Variants in TMPRSS11A observed in about 807,000 individuals in gnomAD.
TMPRSS11A encodes the protein transmembrane serine protease 11A.
A neutral mutation model predicts 58.9 loss-of-function variants in TMPRSS11A; 53 were observed. The observed-to-expected ratio is 0.90, with a 90% CI of 0.72 to 1.13. The LOEUF (loss-of-function observed/expected upper bound fraction) is 1.13, where lower values mean the gene tolerates loss of function less well. Among genes scored for constraint, TMPRSS11A ranks in the 50% most tolerant of loss-of-function variants. The pLI, the probability that TMPRSS11A is intolerant of heterozygous loss-of-function variation, is 0.00. For missense variants in TMPRSS11A, 493 were observed against 499.3 expected, an observed-to-expected ratio of 0.99 and a Z score of 0.12; for synonymous variants, 167 against 169.8, an observed-to-expected ratio of 0.98 and a Z score of 0.13.
At chr4:67,916,642 C>T (rs1234071679) in intron 8 of TMPRSS11A, among the ~76,000 whole-genome samples, 3 of 151,902 alleles carry the variant, frequency 2.0e-5, no homozygotes, top group Non-Finnish European at 1.5e-5. Flanking sequence ...CTGGCTAACA[C>T]GGTGAAACCC....
At chr4:67,961,568 G>A (rs1336289102) in intron 1 of TMPRSS11A, among the ~76,000 whole-genome samples, 1 of 322 alleles carries the variant, frequency 3.1e-3, no homozygotes, top group Non-Finnish European at 0.033. Context: ...CTGAAGTGTA[G>A]TGGCATGATT....
At chr4:67,935,700 A>C (rs754170240) in intron 3 of TMPRSS11A, among the ~76,000 whole-genome samples, 19 of 152,334 alleles carry the variant, frequency 1.2e-4, no homozygotes, top group Non-Finnish European at 2.6e-4. Flanking sequence ...TAAAAAGGTG[A>C]GAATTTATTT....
chr4:67,912,281 A>AACACACAC (rs58492227), intron 9 of TMPRSS11A, among the ~76,000 whole-genome samples: 3 of 149,732 alleles, frequency 2.0e-5, no homozygotes, highest in African/African-American at 7.4e-5. Flanking sequence ...CCACCATATC[A>AACACACAC]ACACACACAC....
At chr4:67,958,189 A>G (rs1451347588) in intron 1 of TMPRSS11A, among the ~76,000 whole-genome samples, 2 of 152,170 alleles carry the variant, frequency 1.3e-5, no homozygotes, top group Non-Finnish European at 2.9e-5. Context: ...CAAAGTCCCT[A>G]CTGGGGTGCT....
chr4:67,949,061 T>C (rs1410321162), intron 1 of TMPRSS11A, among the ~76,000 whole-genome samples: 2 of 152,110 alleles, frequency 1.3e-5, no homozygotes, highest in Admixed American at 6.6e-5. Context: ...ATCTTATCAA[T>C]GTGTCTTCAA....
chr4:67,915,121 T>C (rs1720111719), intron 8 of TMPRSS11A, among the ~76,000 whole-genome samples: 2 of 152,072 alleles, frequency 1.3e-5, no homozygotes. Flanking sequence ...ATGCCTATAA[T>C]ACTATGTACA....
In TMPRSS11A at chr4:67,922,885, C is replaced by A. The variant is rs1720367577; in HGVS notation, c.562G>T (p.Ala188Ser). ...RVVPLNVNRI[A>S]SGVIAPKAAW... ...GCCTTGGGTGCAATGACTCCAGATG[C>A]TATTCTGTTGACGTTTAATGGAACA... Residue 188 changes from alanine to serine, a missense_variant, in exon 7 of 10, where the codon GCA (alanine) becomes TCA (serine). Ala to Ser is a moderately conservative substitution (Grantham distance 99, BLOSUM62 1). Transcript: ENST00000508048. The A allele has an allele frequency of 6.2e-7, 1 of 1,614,138 alleles. No homozygotes were observed. The highest frequency in any genetic ancestry group is 8.5e-7 in the Non-Finnish European group (1 of 1,180,022).
intron 2 of TMPRSS11A, 116 bp downstream of exon 2, chr4:67,946,332 CTG>C (rs1721000291): frequency 2.0e-6 from 2 of 998,274 alleles, no homozygotes; most frequent in South Asian, 3.9e-5. Context: ...TAAATATACT[CTG>C]TGGAAATTTG....
chr4:67,951,768 AC>A (rs1419974212), intron 1 of TMPRSS11A, among the ~76,000 whole-genome samples: 1 of 152,196 alleles, frequency 6.6e-6, no homozygotes, highest in Non-Finnish European at 1.5e-5. Flanking sequence ...AGGCCAAACT[AC>A]AAGTCTACTT....
At chr4:67,918,818 G>T (rs1446524205) in intron 8 of TMPRSS11A, among the ~76,000 whole-genome samples, 155 bp downstream of exon 8, 1 of 152,188 alleles carries the variant, frequency 6.6e-6, no homozygotes, top group Non-Finnish European at 1.5e-5. Flanking sequence ...TTCTGCACTG[G>T]TTAATGTGAA....
intron 1 of TMPRSS11A, among the ~76,000 whole-genome samples, chr4:67,954,522 C>T (rs1982191): frequency 6.6e-6 from 1 of 152,186 alleles, no homozygotes; most frequent in African/African-American, 2.4e-5. Context: ...TAGCTGTATC[C>T]TGAGCTATGA....
At position 67,929,936 on chromosome 4, in the gene TMPRSS11A, T is replaced by C. The variant is rs756760854; in HGVS notation, c.425A>G (p.Gln142Arg). The change falls in exon 5 of 10, where the codon CAG becomes CGG. Residue 142 changes from glutamine (Q) to arginine (R), a missense_variant. Transcript: ENST00000508048. ...REKKIQSILN[Q>R]KIRNLRALPI... ...CAAGGCTCTTAAATTCCTTATCTTC[T>C]GATTTAAGATGCTTTGGATTTTCTT... is the stretch of plus-strand genomic sequence containing the variant. The C allele has an allele frequency of 1.3e-5, 21 of 1,613,832 alleles. No individual in the cohort carries two copies. The highest frequency in any genetic ancestry group is 1.7e-4 in the Middle Eastern group (1 of 6,060).
chr4:67,938,428 A>G (rs114066943), intron 3 of TMPRSS11A, among the ~76,000 whole-genome samples: 3,138 of 152,190 alleles, frequency 0.021, 104 homozygotes, highest in African/African-American at 0.072. Flanking sequence ...CAACTTATCA[A>G]TTTTTGTTTT....
chr4:67,916,483 ACAC>A (rs1720151051), intron 8 of TMPRSS11A, among the ~76,000 whole-genome samples: 1 of 150,988 alleles, frequency 6.6e-6, no homozygotes, highest in African/African-American at 2.4e-5. Context: ...ACACACACAC[ACAC>A]ACACACACAC....
rs956432067 is a variant in TMPRSS11A at position 67,929,762 on chromosome 4, T to C, written c.481+118A>G. ...GAAATGTCACATCTTTAACTTGAAT[T>C]TTTTCATCTGAATTCTAGCTATTAT... On this transcript the variant is annotated intron_variant, in intron 5 of 9. Coordinates refer to ENST00000508048, the MANE Select transcript of TMPRSS11A (RefSeq NM_001114387.2). 4.0e-6 allele frequency: 4 copies of C among 1,007,728 alleles called. No individual in the cohort carries two copies. The African/African-American group carries it at 6.5e-5, about 16-fold the overall frequency. 62.4% of individuals were successfully genotyped at this position (1,007,728 alleles called of 1,614,324 possible). A position where few individuals can be genotyped will look rare whatever the true frequency, so the allele number is the denominator to read the frequency against.
chr4:67,956,486 C>A (rs1388161612), intron 1 of TMPRSS11A, among the ~76,000 whole-genome samples: 1 of 152,112 alleles, frequency 6.6e-6, no homozygotes, highest in Non-Finnish European at 1.5e-5. Flanking sequence ...ATCTATGAAT[C>A]TGTTGGGAAT....
At chr4:67,956,345 G>A (rs11131730) in intron 1 of TMPRSS11A, among the ~76,000 whole-genome samples, 101,666 of 152,072 alleles carry the variant, frequency 0.67, 37,454 homozygotes, top group Non-Finnish European at 0.83. Context: ...CATCTGTTCT[G>A]TTTGTAAACA....
Position 67,911,175 on chromosome 4 carries a change from A to G in TMPRSS11A, c.*167T>C. On this transcript the variant is annotated 3_prime_UTR_variant, in exon 10 of 10. Transcript: ENST00000508048. The stretch of plus-strand genomic sequence containing the variant: ...ATAAAAGTCCCTTATAAATTGGCTA[A>G]GGATTATTGGTTGATTAAAGTGATT... 1 of 568,500 alleles carries G rather than the reference A, an allele frequency of 1.8e-6. No individual in the cohort carries two copies. Among genetic ancestry groups the G allele is most frequent in the Non-Finnish European group, 2.9e-6 (1 of 340,240 alleles). 35.2% of individuals were successfully genotyped at this position (568,500 alleles called of 1,614,324 possible).
At chr4:67,914,130 C>T (rs1190717086) in intron 9 of TMPRSS11A, among the ~76,000 whole-genome samples, 2 of 152,092 alleles carry the variant, frequency 1.3e-5, no homozygotes, top group Non-Finnish European at 2.9e-5. Context: ...TGCTTTTTGT[C>T]TTTTCTATAA....
Sources: allele counts gnomAD v4.1 joint callset (sites outside exome capture counted in the v4.1 genomes callset), GRCh38; gene constraint gnomAD v4.1.1; transcripts MANE v1.5; gene names NCBI Gene and HGNC (gene_info 2026-07-23, HGNC 2026-07-21).